Variants in HEBP1 observed in about 807,000 individuals in gnomAD.
HEBP1 encodes heme binding protein 1, also known as heme-binding protein 1.
Under a neutral mutation model 20.4 loss-of-function variants are expected in HEBP1, and 13 were observed. The observed-to-expected ratio is 0.64, with a 90% CI of 0.42 to 1.01. The LOEUF (loss-of-function observed/expected upper bound fraction) is 1.01, where lower values mean the gene tolerates loss of function less well. Ranked by LOEUF, HEBP1 falls within the 50% of genes least tolerant of loss-of-function variation. The pLI is 0.00. For missense variants in HEBP1, 241 were observed against 247.3 expected, an observed-to-expected ratio of 0.97 and a Z score of 0.17; for synonymous variants, 92 against 90.7, an observed-to-expected ratio of 1.01 and a Z score of -0.08.
intron 3 of HEBP1, 89 bp from the exon 4 acceptor site, chr12:12,975,568 A>G (rs935515306): frequency 1.3e-4 from 146 of 1,158,688 alleles, no homozygotes; most frequent in Non-Finnish European, 1.7e-4. Flanking sequence ...CACCATGTTT[A>G]TTATGACAAG....
At position 12,978,210 on chromosome 12, in the gene HEBP1, T is replaced by TG. The variant is rs1328064706; in HGVS notation, c.399-2732_399-2731insC. ...AGACCTACGAAAGGGTTTTTTTTTT[T>TG]TTTTTTTTTTTTTTTTTTGAGACAG... On this transcript the variant is annotated intron_variant, in intron 3 of 3. Transcript: ENST00000014930. Among the ~76,000 whole-genome samples the TG allele has an allele frequency of 8.7e-5, 12 of 138,246 alleles. No homozygotes were observed. In the South Asian group the frequency reaches 1.8e-3, roughly 20 times the overall value. The allele number at this position is 138,246 out of a possible 152,430, so 90.7% of individuals were successfully genotyped here. A position where few individuals can be genotyped will look rare whatever the true frequency, so the allele number is the denominator to read the frequency against.
At chr12:12,993,318 G>A (rs1391473569) in intron 1 of HEBP1, among the ~76,000 whole-genome samples, 3 of 151,984 alleles carry the variant, frequency 2.0e-5, no homozygotes, top group Non-Finnish European at 4.4e-5. Context: ...GGGACTACAG[G>A]TGTGTGCCAC....
At chr12:12,985,368 A>T (rs777785274) in intron 3 of HEBP1, among the ~76,000 whole-genome samples, 17 of 152,204 alleles carry the variant, frequency 1.1e-4, no homozygotes, top group Admixed American at 3.3e-4. Context: ...GATACACATG[A>T]CACAGAATTG....
intron 3 of HEBP1, 107 bp from the exon 4 acceptor site, chr12:12,975,586 G>C (rs1299491850): frequency 1.0e-6 from 1 of 966,198 alleles, no homozygotes; most frequent in Non-Finnish European, 1.5e-6. Flanking sequence ...AAGCATGCTA[G>C]AGTGGTAAGA....
At chr12:12,985,624 A>G (rs1247297028) in intron 3 of HEBP1, 2 of 152,164 alleles carry the variant, frequency 1.3e-5, no homozygotes, top group East Asian at 3.9e-4. Context: ...TGAAATAAGA[A>G]TGAACAGACA....
At chr12:12,987,612 T>TTTCTCTCTCTCTCTCTCTC (rs1555114947) in intron 2 of HEBP1, among the ~76,000 whole-genome samples, 1 of 117,786 alleles carries the variant, frequency 8.5e-6, no homozygotes, top group Admixed American at 1.1e-4. Flanking sequence ...CTCTCTCTCT[T>TTTCTCTCTCTCTCTCTCTC]TCTCTCTCTC....
At chr12:12,975,736 T>C (rs1863972168) in intron 3 of HEBP1, among the ~76,000 whole-genome samples, 1 of 150,756 alleles carries the variant, frequency 6.6e-6, no homozygotes, top group African/African-American at 2.4e-5. Context: ...TGAAAAACTC[T>C]AATGCGGGGC....
At position 13,000,200 on chromosome 12, in the gene HEBP1, G is replaced by A. The variant is rs1591580521; in HGVS notation, c.-86C>T. 5.7e-6 allele frequency: 2 copies of A among 348,854 alleles called. No homozygotes were observed. The highest frequency in any genetic ancestry group is 1.1e-4 in the East Asian group (2 of 17,488). 21.6% of individuals were successfully genotyped at this position (348,854 alleles called of 1,614,324 possible). ...CCACGGGCAGCGACCACCGGCGGCAGGGCGGCAGGGCGGCAGGGCGGCAGG... is the reference window on the plus strand; with the variant it reads ...CCACGGGCAGCGACCACCGGCGGCAAGGCGGCAGGGCGGCAGGGCGGCAGG... On this transcript the variant is annotated 5_prime_UTR_variant, in exon 1 of 4. Coordinates refer to ENST00000014930, the MANE Select transcript of HEBP1 (RefSeq NM_015987.5).
At chr12:12,983,330 A>AT (rs564109080) in intron 3 of HEBP1, 8 of 202,372 alleles carry the variant, frequency 4.0e-5, no homozygotes, top group South Asian at 2.9e-4. Context: ...TGATAGTGCT[A>AT]TTTTTTTTCA....
intron 1 of HEBP1, among the ~76,000 whole-genome samples, chr12:12,999,204 G>A (rs1335214821): frequency 6.6e-6 from 1 of 152,196 alleles, no homozygotes; most frequent in Non-Finnish European, 1.5e-5. Flanking sequence ...ACCTGAAACG[G>A]TGGACAAAAC....
chr12:12,983,765 A>G (rs1272151692), intron 3 of HEBP1: 3 of 455,954 alleles, frequency 6.6e-6, no homozygotes, highest in Admixed American at 2.3e-5. Flanking sequence ...TTAAAAGGAA[A>G]TGGTCACCGA....
In HEBP1 at chr12:12,987,612, T is replaced by TCTCTCTCTCTCTCTCTC. The variant is rs1230851526; in HGVS notation, c.218-281_218-280insGAGAGAGAGAGAGAGAG. Among the ~76,000 whole-genome samples the TCTCTCTCTCTCTCTCTC allele has an allele frequency of 8.7e-4, 103 of 117,836 alleles. 1 individual carries two copies. Among genetic ancestry groups the TCTCTCTCTCTCTCTCTC allele is most frequent in the African/African-American group, 3.0e-3 (99 of 32,608 alleles). 77.3% of individuals were successfully genotyped at this position (117,836 alleles called of 152,430 possible). A position where few individuals can be genotyped will look rare whatever the true frequency, so the allele number is the denominator to read the frequency against. Reference sequence around the variant, plus strand: ...TCTTTCTCTCTCTCTCTCTCTCTCTTTCTCTCTCTCTCTCTCTCTCTCTTT... The same window carrying TCTCTCTCTCTCTCTCTC: ...TCTTTCTCTCTCTCTCTCTCTCTCTTCTCTCTCTCTCTCTCTCTCTCTCTCTCTCTCTCTCTCTCTTT... On this transcript the variant is annotated intron_variant, in intron 2 of 3. Coordinates refer to ENST00000014930, the MANE Select transcript of HEBP1 (RefSeq NM_015987.5).
At chr12:12,983,131 C>T (rs369619734) in intron 3 of HEBP1, among the ~76,000 whole-genome samples, 6 of 152,110 alleles carry the variant, frequency 3.9e-5, no homozygotes, top group African/African-American at 7.2e-5. Flanking sequence ...TCATTTAAAC[C>T]GTGAAAGTTT....
At chr12:12,981,176 GACATTGGA>G (rs1041387873) in intron 3 of HEBP1, among the ~76,000 whole-genome samples, 3 of 152,202 alleles carry the variant, frequency 2.0e-5, no homozygotes, top group Non-Finnish European at 4.4e-5. Context: ...GAGTCAGAAT[GACATTGGA>G]ACAGGGTGGG....
At chr12:12,992,329 A>G (rs1375313531) in intron 1 of HEBP1, among the ~76,000 whole-genome samples, 3 of 152,146 alleles carry the variant, frequency 2.0e-5, no homozygotes, top group African/African-American at 7.2e-5. Context: ...TCAGCCTCAC[A>G]AGTAGCTGAG....
At chr12:12,975,890 G>A (rs1369120723) in intron 3 of HEBP1, among the ~76,000 whole-genome samples, 1 of 151,930 alleles carries the variant, frequency 6.6e-6, no homozygotes, top group African/African-American at 2.4e-5. Flanking sequence ...CTTTTCTGCT[G>A]CTCTGTCACC....
chr12:12,990,292 CTGAG>C (rs1421984861), intron 1 of HEBP1, among the ~76,000 whole-genome samples: 1 of 151,866 alleles, frequency 6.6e-6, no homozygotes, highest in Non-Finnish European at 1.5e-5. Flanking sequence ...CTTAGGCTTC[CTGAG>C]TAAGTGGGAC....
intron 1 of HEBP1, among the ~76,000 whole-genome samples, chr12:12,991,096 G>A (rs190719458): frequency 2.6e-5 from 4 of 152,138 alleles, no homozygotes; most frequent in South Asian, 2.1e-4. Flanking sequence ...CTGGTCTCCC[G>A]CAGAGCTGGC....
intron 1 of HEBP1, among the ~76,000 whole-genome samples, chr12:12,991,148 T>C (rs1864220310): frequency 6.6e-6 from 1 of 152,232 alleles, no homozygotes; most frequent in Non-Finnish European, 1.5e-5. Context: ...TCCCCTGTCT[T>C]GATAAATTGG....
Sources: gnomAD v4.1 joint callset for allele counts (sites outside exome capture counted in the v4.1 genomes callset) on GRCh38, gnomAD v4.1.1 for gene constraint, MANE v1.5 for transcripts, NCBI Gene and HGNC (gene_info 2026-07-23, HGNC 2026-07-21) for gene names.